Variants in PAPPA2 observed in about 807,000 individuals in gnomAD.
PAPPA2 encodes the protein pappalysin-2.
A neutral mutation model predicts 176.4 loss-of-function variants in PAPPA2; 86 were observed. The ratio of observed to expected loss-of-function variants is 0.49; its 90% CI spans 0.41 to 0.58. The LOEUF (loss-of-function observed/expected upper bound fraction) is 0.58, where lower values mean the gene tolerates loss of function less well. Among genes scored for constraint, PAPPA2 ranks in the 20% least tolerant of loss-of-function variants. The pLI is 0.00. For missense variants in PAPPA2, 2,073 were observed against 2,256.9 expected (o/e 0.92, Z 1.65); for synonymous variants, 809 against 852.2 (o/e 0.95, Z 0.88).
chr1:176,494,664 A>G (rs893081237), intron 1 of PAPPA2, among the ~76,000 whole-genome samples: 2 of 152,174 alleles, frequency 1.3e-5, no homozygotes, highest in Non-Finnish European at 1.5e-5. Flanking sequence ...GAGCTGGCAC[A>G]CCATACTCAC....
Position 176,791,576 on chromosome 1 carries a change from C to G in PAPPA2, c.5020+94C>G, listed in dbSNP as rs749843708. 2.7e-5 allele frequency: 38 copies of G among 1,414,308 alleles called. No individual in the cohort carries two copies. In the Admixed American group the frequency reaches 6.7e-4, roughly 25 times the overall value. 87.6% of individuals were successfully genotyped at this position (1,414,308 alleles called of 1,614,324 possible). On this transcript the variant is annotated intron_variant, in intron 19 of 22. Coordinates refer to ENST00000367662, the MANE Select transcript of PAPPA2 (RefSeq NM_020318.3). ...TTTAATTTTATTTATTTTTGTCAGACGGAGTCTTGCTCTGTCGCCCAGGCT... is the reference window on the plus strand; with the variant it reads ...TTTAATTTTATTTATTTTTGTCAGAGGGAGTCTTGCTCTGTCGCCCAGGCT...
At chr1:176,507,862 C>G (rs1302708371) in intron 1 of PAPPA2, among the ~76,000 whole-genome samples, 1 of 151,598 alleles carries the variant, frequency 6.6e-6, no homozygotes, top group Non-Finnish European at 1.5e-5. Flanking sequence ...TGCAATATAC[C>G]CATGTAACAA....
chr1:176,595,006 G>T lies in PAPPA2; in HGVS notation c.1402G>T (p.Val468Phe), dbSNP rs1295079440. 9.3e-6 allele frequency: 15 copies of T among 1,614,034 alleles called. No homozygotes were observed. The Admixed American group carries it at 2.0e-4, about 22-fold the overall frequency. Residue 468 changes from valine (V) to phenylalanine (F), a missense_variant, in exon 3 of 23, where the codon GTT (valine) becomes TTT (phenylalanine). By Grantham distance (50) the Val-to-Phe change is conservative (BLOSUM62 -1). Around this residue, in one of 4 missense-constraint regions of PAPPA2, gnomAD observed 1,196 missense variants for 1,330.4 expected, o/e 0.90. Coordinates refer to ENST00000367662, the MANE Select transcript of PAPPA2 (RefSeq NM_020318.3). ...ASFEPVNTEW[V>F]PFRDEKYPRL... ...CTTTGAGCCTGTGAACACAGAGTGGGTTCCCTTTAGAGATGAGAAGTACCC... is the reference window on the plus strand; with the variant it reads ...CTTTGAGCCTGTGAACACAGAGTGGTTTCCCTTTAGAGATGAGAAGTACCC...
rs1405637594 is a variant in PAPPA2, at chr1:176,844,093, T to C, written c.*1639T>C. The C allele has an allele frequency of 6.6e-6, 1 of 152,166 alleles. No homozygotes were observed. Among genetic ancestry groups the C allele is most frequent in the Non-Finnish European group, 1.5e-5 (1 of 68,028 alleles). The allele number at this position is 152,166 out of a possible 1,614,324, so 9.4% of individuals were successfully genotyped here. ...CATTTTCTTGTAACGGTTTCTGGATTAGACCCTAGGGAAAGTGAGTAAGGA... is the reference window on the plus strand; with the variant it reads ...CATTTTCTTGTAACGGTTTCTGGATCAGACCCTAGGGAAAGTGAGTAAGGA... On this transcript the variant is annotated 3_prime_UTR_variant, in exon 23 of 23. Transcript: ENST00000367662.
chr1:176,638,675 C>T (rs1461258895), intron 3 of PAPPA2, among the ~76,000 whole-genome samples: 1 of 151,834 alleles, frequency 6.6e-6, no homozygotes, highest in Non-Finnish European at 1.5e-5. Flanking sequence ...TTTCTAGCCC[C>T]TCCAAATTCC....
chr1:176,666,573 G>T (rs982688493), intron 3 of PAPPA2, among the ~76,000 whole-genome samples: 1 of 122,552 alleles, frequency 8.2e-6, no homozygotes, highest in Non-Finnish European at 1.8e-5. Flanking sequence ...GTGTGTGTGT[G>T]TGTGTGTGTG....
chr1:176,619,818 C>T (rs1032007250), intron 3 of PAPPA2, among the ~76,000 whole-genome samples: 4 of 152,098 alleles, frequency 2.6e-5, no homozygotes, highest in Non-Finnish European at 5.9e-5. Context: ...TACAATACTA[C>T]TGCAGGAAAT....
In PAPPA2 at chr1:176,793,635, C is replaced by T. The variant is rs1464621088; in HGVS notation, c.5096C>T (p.Thr1699Ile). 3.1e-6 allele frequency: 5 copies of T among 1,612,416 alleles called. No homozygotes were observed. The highest frequency in any genetic ancestry group is 4.2e-6 in the Non-Finnish European group (5 of 1,178,816). ...VMLPENITAD[T>I]LEHWMEPVKV... The stretch of plus-strand genomic sequence containing the variant: ...CTACCTGAGAATATCACTGCTGACA[C>T]TCTGGAGCACTGGATGGAACCTGTC... The change falls in exon 20 of 23, where the codon ACT becomes ATT. Residue 1699 changes from threonine to isoleucine, a missense_variant. Thr to Ile is a moderately conservative substitution (Grantham distance 89). Around this residue, in one of 4 missense-constraint regions of PAPPA2, gnomAD observed 846 missense variants for 857.9 expected, o/e 0.99. Transcript: ENST00000367662.
chr1:176,538,868 G>C (rs1225416400), intron 1 of PAPPA2, among the ~76,000 whole-genome samples: 1 of 152,154 alleles, frequency 6.6e-6, no homozygotes, highest in African/African-American at 2.4e-5. Flanking sequence ...CAGTCTTATA[G>C]CCTGTTTTTG....
intron 2 of PAPPA2, among the ~76,000 whole-genome samples, chr1:176,577,502 G>C (rs147378828): frequency 6.6e-6 from 1 of 152,120 alleles, no homozygotes; most frequent in African/African-American, 2.4e-5. Context: ...TAAAAGCTTG[G>C]AGTCACAGAC....
chr1:176,599,210 C>T (rs1490771868), intron 3 of PAPPA2, among the ~76,000 whole-genome samples: 1 of 151,912 alleles, frequency 6.6e-6, no homozygotes, highest in African/African-American at 2.4e-5. Flanking sequence ...TATACACACA[C>T]ACACACACAC....
chr1:176,835,478 T>G (rs747848275), intron 21 of PAPPA2, among the ~76,000 whole-genome samples: 22 of 152,156 alleles, frequency 1.4e-4, no homozygotes, highest in Admixed American at 2.6e-4. Flanking sequence ...GGGTTCCCTT[T>G]CCTCCACATT....
intron 21 of PAPPA2, among the ~76,000 whole-genome samples, chr1:176,830,440 G>A (rs2102983501): frequency 6.6e-6 from 1 of 152,256 alleles, no homozygotes; most frequent in South Asian, 2.1e-4. Context: ...GAGGAAAAGG[G>A]AACAGAAAAG....
rs1266023682 is a variant in PAPPA2 at position 176,595,469 on chromosome 1, A to G, written c.1865A>G (p.Asn622Ser). 1 of 1,614,026 alleles carries G rather than the reference A, an allele frequency of 6.2e-7. No homozygotes were observed. The highest frequency in any genetic ancestry group is 8.5e-7 in the Non-Finnish European group (1 of 1,180,036). ...CRLQGRCYSWNRRDGLCHVEC... is the reference protein window; with the variant it reads ...CRLQGRCYSWSRRDGLCHVEC... ...CTGCAGGGCCGCTGCTACTCCTGGA[A>G]CCGCAGGGATGGGCTCTGTCACGTG... Residue 622 changes from asparagine to serine, a missense_variant, in exon 3 of 23, where the codon AAC becomes AGC. This residue lies in a region of PAPPA2 where 1,196 missense variants were observed against 1,330.4 expected (regional missense o/e 0.90). Coordinates refer to ENST00000367662, the MANE Select transcript of PAPPA2 (RefSeq NM_020318.3).
chr1:176,480,856 A>G (rs1455293899), intron 1 of PAPPA2, among the ~76,000 whole-genome samples: 1 of 151,700 alleles, frequency 6.6e-6, no homozygotes, highest in Non-Finnish European at 1.5e-5. Flanking sequence ...AGACGAAAAC[A>G]CTAAAGCCAG....
At chr1:176,764,892 G>A (rs781547185) in intron 14 of PAPPA2, among the ~76,000 whole-genome samples, 5 of 152,106 alleles carry the variant, frequency 3.3e-5, no homozygotes, top group African/African-American at 7.2e-5. Context: ...CACCGCATCC[G>A]GCCTGCTCCA....
Position 176,791,408 on chromosome 1 carries a change from T to A in PAPPA2, c.4946T>A (p.Leu1649Gln). The A allele has an allele frequency of 6.2e-7, 1 of 1,613,004 alleles. No homozygotes were observed. The highest frequency in any genetic ancestry group is 2.2e-5 in the East Asian group (1 of 44,844). The change falls in exon 19 of 23, where the codon CTG (leucine) becomes CAG (glutamine). Residue 1649 changes from leucine (L) to glutamine (Q), a missense_variant. Leu to Gln is a moderately radical substitution (Grantham distance 113). Around this residue, in one of 4 missense-constraint regions of PAPPA2, gnomAD observed 846 missense variants for 857.9 expected, o/e 0.99. Coordinates refer to ENST00000367662, the MANE Select transcript of PAPPA2 (RefSeq NM_020318.3). Reference protein sequence around the residue: ...WTQEFKLCENLQGECPPPPSE... With the variant: ...WTQEFKLCENQQGECPPPPSE... ...CAGGAGTTTAAGTTGTGTGAGAATC[T>A]GCAAGGAGAATGCCCACCACCCCCC...
At chr1:176,500,138 A>C (rs903036187) in intron 1 of PAPPA2, among the ~76,000 whole-genome samples, 2 of 151,990 alleles carry the variant, frequency 1.3e-5, no homozygotes, top group Non-Finnish European at 2.9e-5. Flanking sequence ...TAAGTACATA[A>C]AAAGTTGTGA....
intron 2 of PAPPA2, among the ~76,000 whole-genome samples, chr1:176,574,692 C>G (rs1652549144): frequency 6.6e-6 from 1 of 152,186 alleles, no homozygotes. Flanking sequence ...GTAGCTTTTA[C>G]TGATCCCTGT....
Sources: allele counts gnomAD v4.1 joint callset (sites outside exome capture counted in the v4.1 genomes callset), GRCh38; gene constraint gnomAD v4.1.1; regional missense constraint gnomAD v4.1.1; transcripts MANE v1.5; gene names NCBI Gene and HGNC (gene_info 2026-07-23, HGNC 2026-07-21).